PCSK2: variants seen among roughly 807,000 people sequenced by gnomAD.
The protein encoded by PCSK2 is proprotein convertase subtilisin/kexin type 2, also known as neuroendocrine convertase 2.
PCSK2 carries 14 observed loss-of-function variants against 69.7 expected under a neutral mutation model. The ratio of observed to expected loss-of-function variants is 0.20; its 90% CI spans 0.13 to 0.31. PCSK2 has a LOEUF of 0.31. Ranked by LOEUF, PCSK2 falls within the 10% of genes least tolerant of loss-of-function variation. PCSK2 has a pLI of 1.00. For synonymous variants in PCSK2, 307 were observed against 320.7 expected (o/e 0.96, Z 0.46); for missense variants, 544 against 842.5 (o/e 0.65, Z 4.39).
At chr20:17,227,526 G>GA in intron 1 of PCSK2, 44 bp downstream of exon 1, 1 of 1,508,414 alleles carries the variant, frequency 6.6e-7, no homozygotes, top group Admixed American at 1.7e-5. Context: ...AAAACGGGGG[G>GA]ACGGGGGGGC....
intron 1 of PCSK2, 50 bp from the exon 2 acceptor site, chr20:17,260,190 G>A (rs748995084): frequency 4.0e-6 from 5 of 1,237,782 alleles, no homozygotes; most frequent in Admixed American, 1.7e-5. Context: ...CCCTGTCCCT[G>A]GGCCAACCCC....
intron 2 of PCSK2, 73 bp from the exon 3 acceptor site, chr20:17,358,254 T>C: frequency 1.1e-6 from 1 of 948,688 alleles, no homozygotes; most frequent in Non-Finnish European, 1.7e-6. Context: ...GAAATTTGGA[T>C]TCATGGAAAC....
intron 2 of PCSK2, among the ~76,000 whole-genome samples, chr20:17,321,718 C>A (rs1035799719): frequency 1.3e-5 from 2 of 152,144 alleles, no homozygotes; most frequent in Non-Finnish European, 2.9e-5. Context: ...CAACTGCCAT[C>A]TTCAGCAGAA....
At chr20:17,295,752 T>TA (rs1988871691) in intron 2 of PCSK2, among the ~76,000 whole-genome samples, 1 of 151,934 alleles carries the variant, frequency 6.6e-6, no homozygotes, top group Non-Finnish European at 1.5e-5. Flanking sequence ...ACGGGGGTCT[T>TA]ACTATGTTGC....
chr20:17,465,219 C>A (rs1257294685), intron 10 of PCSK2, 107 bp from the exon 11 acceptor site: 2 of 818,550 alleles, frequency 2.4e-6, no homozygotes, highest in South Asian at 2.9e-5. Context: ...CAAAATCTTA[C>A]AAGAGGTCTG....
intron 2 of PCSK2, among the ~76,000 whole-genome samples, chr20:17,281,707 C>T (rs1232158689): frequency 6.6e-6 from 1 of 152,160 alleles, no homozygotes; most frequent in Non-Finnish European, 1.5e-5. Flanking sequence ...CCAGTGAATG[C>T]TGTATGTTAG....
chr20:17,459,437 G>A lies in PCSK2; in HGVS notation c.1202+2989G>A, dbSNP rs369814531. Reference sequence around the variant, plus strand: ...ATACATTTCTGTTGAGCGTCTACTAGGGAGTCAAAATGTTGGGTCATTAAT... The same window carrying A: ...ATACATTTCTGTTGAGCGTCTACTAAGGAGTCAAAATGTTGGGTCATTAAT... On this transcript the variant is annotated intron_variant, in intron 10 of 11. Coordinates refer to ENST00000262545, the MANE Select transcript of PCSK2 (RefSeq NM_002594.5). Among the ~76,000 whole-genome samples the A allele has an allele frequency of 8.5e-5, 13 of 152,258 alleles. No individual in the cohort carries two copies. In the South Asian group the frequency reaches 2.3e-3, roughly 27 times the overall value.
intron 5 of PCSK2, among the ~76,000 whole-genome samples, chr20:17,383,818 T>C (rs908876385): frequency 6.6e-6 from 1 of 152,184 alleles, no homozygotes; most frequent in Non-Finnish European, 1.5e-5. Context: ...AATATTAAAC[T>C]TGATGCACCA....
At chr20:17,397,824 C>A (rs889361707) in intron 5 of PCSK2, among the ~76,000 whole-genome samples, 4 of 152,262 alleles carry the variant, frequency 2.6e-5, no homozygotes, top group Admixed American at 1.3e-4. Context: ...CTCTTGTTTT[C>A]TTTTGTTTTC....
At chr20:17,467,733 G>A (rs563011200) in intron 11 of PCSK2, among the ~76,000 whole-genome samples, 21 of 152,190 alleles carry the variant, frequency 1.4e-4, no homozygotes, top group African/African-American at 4.1e-4. Context: ...CCAGTAAAAC[G>A]GAGCTAATGT....
chr20:17,446,152 T>C (rs1272039581), intron 8 of PCSK2, among the ~76,000 whole-genome samples: 1 of 152,126 alleles, frequency 6.6e-6, no homozygotes, highest in Non-Finnish European at 1.5e-5. Context: ...GATTCATCAC[T>C]ACAATGGCTG....
intron 2 of PCSK2, among the ~76,000 whole-genome samples, chr20:17,352,774 C>T (rs1033278448): frequency 7.2e-5 from 11 of 152,080 alleles, no homozygotes; most frequent in Non-Finnish European, 1.5e-4. Flanking sequence ...AATGCCATTC[C>T]AGACATAGGT....
intron 7 of PCSK2, among the ~76,000 whole-genome samples, chr20:17,435,164 C>T (rs1487827547): frequency 1.3e-5 from 2 of 152,156 alleles, no homozygotes; most frequent in African/African-American, 4.8e-5. Context: ...GCCTGTTATT[C>T]ATTCTTCTGG....
At chr20:17,239,940 G>A (rs1019156798) in intron 1 of PCSK2, among the ~76,000 whole-genome samples, 5 of 123,640 alleles carry the variant, frequency 4.0e-5, no homozygotes, top group African/African-American at 6.3e-5. Flanking sequence ...TGCAACCTCC[G>A]CCTCCCGGGT....
rs778838241 is a variant in PCSK2, at chr20:17,360,616, G to T, written c.481G>T (p.Val161Phe). The T allele has an allele frequency of 6.2e-7, 1 of 1,607,216 alleles. No homozygotes were observed. Among genetic ancestry groups the T allele is most frequent in the Non-Finnish European group, 8.5e-7 (1 of 1,174,222 alleles). Reference sequence around the variant, plus strand: ...GGAGCTGGGATACACAGGGAAAGGTGTTACCATTGGAATTATGGATGATGG... The same window carrying T: ...GGAGCTGGGATACACAGGGAAAGGTTTTACCATTGGAATTATGGATGATGG... ...AWELGYTGKG[V>F]TIGIMDDGID... Residue 161 changes from valine to phenylalanine, a missense_variant, in exon 4 of 12, where the codon GTT becomes TTT. This residue lies in a region of PCSK2 where 187 missense variants were observed against 399.8 expected (regional missense o/e 0.47). Transcript: ENST00000262545.
intron 8 of PCSK2, among the ~76,000 whole-genome samples, chr20:17,439,599 G>T (rs550984210): frequency 1.1e-4 from 16 of 152,116 alleles, no homozygotes; most frequent in Non-Finnish European, 1.9e-4. Flanking sequence ...ATTATATTTA[G>T]CCATGAGAAA....
At chr20:17,361,594 G>A (rs2030398820) in intron 4 of PCSK2, among the ~76,000 whole-genome samples, 1 of 152,170 alleles carries the variant, frequency 6.6e-6, no homozygotes, top group African/African-American at 2.4e-5. Flanking sequence ...TTTCCCATCC[G>A]AAGATCCTCA....
intron 5 of PCSK2, among the ~76,000 whole-genome samples, chr20:17,400,965 T>C (rs995838184): frequency 6.6e-6 from 1 of 152,220 alleles, no homozygotes; most frequent in African/African-American, 2.4e-5. Context: ...ACTGCCAGAA[T>C]GAATATATTT....
intron 11 of PCSK2, among the ~76,000 whole-genome samples, chr20:17,471,897 C>T (rs2033208725): frequency 6.6e-6 from 1 of 152,220 alleles, no homozygotes; most frequent in African/African-American, 2.4e-5. Flanking sequence ...CCATAATGTG[C>T]AGGGCTGCAC....
Sources: gnomAD v4.1 joint callset for allele counts (sites outside exome capture counted in the v4.1 genomes callset) on GRCh38, gnomAD v4.1.1 for gene constraint, gnomAD v4.1.1 regional missense constraint, MANE v1.5 for transcripts, NCBI Gene and HGNC (gene_info 2026-07-23, HGNC 2026-07-21) for gene names.